The following CDKL4 variants were observed in gnomAD, a reference collection of about 807,000 sequenced individuals.
The protein encoded by CDKL4 is cyclin-dependent kinase-like 4.
Under a neutral mutation model 42.0 loss-of-function variants are expected in CDKL4, and 44 were observed. The ratio of observed to expected loss-of-function variants is 1.05; its 90% CI spans 0.82 to 1.35. The LOEUF is 1.35. CDKL4 is among the 40% of genes most tolerant of loss of function. The pLI is 0.00. For synonymous variants in CDKL4, 120 were observed against 121.6 expected (o/e 0.99, Z 0.09); for missense variants, 393 against 369.9 (o/e 1.06, Z -0.51).
intron 1 of CDKL4, among the ~76,000 whole-genome samples, chr2:39,242,977 G>A (rs1387628715): frequency 6.6e-6 from 1 of 151,852 alleles, no homozygotes; most frequent in Non-Finnish European, 1.5e-5. Flanking sequence ...TCCTGCCTCT[G>A]TAGTCCCAGC....
intron 3 of CDKL4, among the ~76,000 whole-genome samples, chr2:39,214,792 G>A (rs1194343087): frequency 2.0e-5 from 3 of 152,178 alleles, no homozygotes; most frequent in Admixed American, 2.0e-4. Context: ...GGCGGCCAGG[G>A]AGAATAAGGA....
intron 3 of CDKL4, among the ~76,000 whole-genome samples, chr2:39,217,740 ATTTATTTT>A (rs1480901809): frequency 0.013 from 1,955 of 145,212 alleles, 26 homozygotes; most frequent in African/African-American, 0.048. Context: ...TTATTTATTT[ATTTATTTT>A]TTGAGATAGA....
chr2:39,224,896 T>C (rs1254164383), intron 3 of CDKL4, among the ~76,000 whole-genome samples: 2 of 152,218 alleles, frequency 1.3e-5, no homozygotes, highest in African/African-American at 4.8e-5. Flanking sequence ...CCACTGGTTT[T>C]AATAACTCTT....
At chr2:39,168,569 A>T in the CDKL4 span, among the ~76,000 whole-genome samples, 3 of 151,852 alleles carry the variant, frequency 2.0e-5, no homozygotes. Context: ...AACCCCATCT[A>T]TATTAAAAAT....
At chr2:39,179,831 G>C (rs1461026294) in intron 8 of CDKL4, among the ~76,000 whole-genome samples, 1 of 152,198 alleles carries the variant, frequency 6.6e-6, no homozygotes, top group Non-Finnish European at 1.5e-5. Context: ...GACTGAGGAA[G>C]TGAGAACCTC....
In CDKL4 at chr2:39,223,902, T is replaced by C. The variant is rs538831566; in HGVS notation, c.290+1937A>G. ...CATGAGCCACTGCACCCAGCCTCCT[T>C]CTCTTTTTTAATGATTTGCTTCCCA... On this transcript the variant is annotated intron_variant, in intron 3 of 9. Coordinates refer to ENST00000451199, the Ensembl canonical transcript of CDKL4. Among the ~76,000 whole-genome samples the C allele has an allele frequency of 2.6e-5, 4 of 152,170 alleles. No individual in the cohort carries two copies. In the East Asian group the frequency reaches 7.7e-4, roughly 29 times the overall value.
chr2:39,241,505 G>A (rs879840466), intron 1 of CDKL4, among the ~76,000 whole-genome samples: 2 of 151,850 alleles, frequency 1.3e-5, no homozygotes, highest in African/African-American at 2.4e-5. Context: ...ATGTCTTATG[G>A]CCTCAAATGC....
chr2:39,216,850 A>G (rs926795174), intron 3 of CDKL4, among the ~76,000 whole-genome samples: 2 of 152,160 alleles, frequency 1.3e-5, no homozygotes, highest in Admixed American at 1.3e-4. Context: ...ATTTCATAGG[A>G]AAGTAATTTC....
intron 2 of CDKL4, among the ~76,000 whole-genome samples, chr2:39,226,433 A>AT (rs1489041012): frequency 2.1e-5 from 3 of 141,652 alleles, no homozygotes; most frequent in Non-Finnish European, 3.0e-5. Flanking sequence ...ATATTTATAT[A>AT]AATTATATAT....
intron 5 of CDKL4, among the ~76,000 whole-genome samples, chr2:39,197,492 T>C (rs2708222): frequency 0.94 from 143,548 of 152,258 alleles, 67,834 homozygotes; most frequent in African/African-American, 0.99. Context: ...CCCAAGAACA[T>C]CAGGGAAATT....
At chr2:39,203,488 C>T (rs1676979363) in intron 5 of CDKL4, among the ~76,000 whole-genome samples, 2 of 152,220 alleles carry the variant, frequency 1.3e-5, no homozygotes, top group Middle Eastern at 3.4e-3. Context: ...CGCATCTATA[C>T]CATGCATTGG....
At position 39,178,665 on chromosome 2, in the gene CDKL4, AG is replaced by A. The variant is rs762882655; in HGVS notation, c.927+521del. 2.5e-6 allele frequency: 4 copies of A among 1,604,414 alleles called. No individual in the cohort carries two copies. In the African/African-American group the frequency reaches 5.3e-5, roughly 21 times the overall value. The stretch of plus-strand genomic sequence containing the variant: ...GTTCTGCAATATTGGCCCATTGGGT[AG>A]AATTTGGTTCCCAGATGTCTGGGTT... On this transcript the variant is annotated intron_variant, in intron 9 of 9. Transcript: ENST00000451199.
chr2:39,210,385 A>G (rs1402799369), intron 4 of CDKL4, among the ~76,000 whole-genome samples: 3 of 152,182 alleles, frequency 2.0e-5, no homozygotes, highest in African/African-American at 4.8e-5. Context: ...TGTTCCAAGC[A>G]CAGAAATGAT....
chr2:39,184,568 A>G lies in CDKL4; in HGVS notation c.792+23T>C, dbSNP rs538085230. 3.7e-5 allele frequency: 58 copies of G among 1,567,758 alleles called. 1 individual carries two copies. In the South Asian group the frequency reaches 5.7e-4, roughly 15 times the overall value. ...GTCATTACAATTTATAGCTAATAAG[A>G]GTTATAATTGATTCTTAAGTACCTT... is the stretch of plus-strand genomic sequence containing the variant. On this transcript the variant is annotated intron_variant, in intron 8 of 9. Transcript: ENST00000451199.
chr2:39,233,470 A>C (rs80264063), intron 1 of CDKL4, among the ~76,000 whole-genome samples: 11 of 152,334 alleles, frequency 7.2e-5, no homozygotes, highest in African/African-American at 2.6e-4. Flanking sequence ...ATCTTGCAAG[A>C]CAAAAGAGAA....
chr2:39,238,694 A>C (rs114026089), intron 1 of CDKL4, among the ~76,000 whole-genome samples: 1,781 of 152,268 alleles, frequency 0.012, 44 homozygotes, highest in African/African-American at 0.041. Flanking sequence ...AAACATAATA[A>C]TGAGTCAAGA....
At chr2:39,200,856 T>C (rs934447294) in intron 5 of CDKL4, among the ~76,000 whole-genome samples, 17 of 152,146 alleles carry the variant, frequency 1.1e-4, no homozygotes, top group African/African-American at 4.1e-4. Flanking sequence ...GATCAAAGAC[T>C]TCAATCTAAG....
chr2:39,187,096 C>G (rs1310519421), intron 7 of CDKL4, among the ~76,000 whole-genome samples: 1 of 152,030 alleles, frequency 6.6e-6, no homozygotes, highest in Non-Finnish European at 1.5e-5. Flanking sequence ...ATGCTGTTCT[C>G]ATGATAGTAA....
intron 5 of CDKL4, among the ~76,000 whole-genome samples, chr2:39,191,134 C>T (rs7590889): frequency 0.73 from 111,559 of 152,064 alleles, 45,382 homozygotes; most frequent in Non-Finnish European, 0.91. Context: ...CATGGTGGCT[C>T]ATGCCTCTCA....
Sources: gnomAD v4.1 joint callset for allele counts (sites outside exome capture counted in the v4.1 genomes callset) on GRCh38, gnomAD v4.1.1 for gene constraint, MANE v1.5 for transcripts, NCBI Gene and HGNC (gene_info 2026-07-23, HGNC 2026-07-21) for gene names.